Variants in SEPSECS observed in about 807,000 individuals in gnomAD.
SEPSECS encodes the protein O-phosphoseryl-tRNA(Sec) selenium transferase.
In SEPSECS, 42 loss-of-function variants were observed where a neutral mutation model predicts 52.1. The ratio of observed to expected loss-of-function variants is 0.81; its 90% CI spans 0.63 to 1.04. The LOEUF is 1.04. SEPSECS is among the 50% of genes least tolerant of loss of function. The probability of loss-of-function intolerance (pLI) is 0.00; values close to 1 mark genes in which losing one functional copy is unlikely to be tolerated. For synonymous variants in SEPSECS, 216 were observed against 211.4 expected (o/e 1.02, Z -0.19); for missense variants, 590 against 610.6 (o/e 0.97, Z 0.36).
chr4:25,159,424 G>C (rs1314134492), intron 1 of SEPSECS: 1 of 346,580 alleles, frequency 2.9e-6, no homozygotes, highest in Non-Finnish European at 5.4e-6. Context: ...AAACCAGGGC[G>C]TTACGACTGG....
intron 8 of SEPSECS, among the ~76,000 whole-genome samples, chr4:25,133,172 A>C (rs1228415889): frequency 6.6e-6 from 1 of 152,204 alleles, no homozygotes; most frequent in Non-Finnish European, 1.5e-5. Context: ...GTTAGCTAGC[A>C]GGACTCCTAC....
chr4:25,158,376 T>G (rs1249900143), intron 2 of SEPSECS, among the ~76,000 whole-genome samples: 3 of 152,124 alleles, frequency 2.0e-5, no homozygotes, highest in African/African-American at 7.2e-5. Flanking sequence ...CAATGAGTGA[T>G]CATATTAACT....
chr4:25,144,824 A>G lies in SEPSECS; in HGVS notation c.976T>C (p.Leu326=). 6.2e-7 allele frequency: 1 copy of G among 1,613,454 alleles called. No individual in the cohort carries two copies. Among genetic ancestry groups the G allele is most frequent in the Non-Finnish European group, 8.5e-7 (1 of 1,179,616 alleles). Residue 326 remains leucine (L), a synonymous_variant, in exon 8 of 11, where the codon TTA becomes CTA. Transcript: ENST00000382103. ...ASPSLDVLIT[L]LSLGSNGYKK... ...TAGCCATTTGATCCAAGTGACAATAAAGTAATAAGGACATCTAAAGAAGGT... is the reference window on the plus strand; with the variant it reads ...TAGCCATTTGATCCAAGTGACAATAGAGTAATAAGGACATCTAAAGAAGGT...
At position 25,160,409 on chromosome 4, in the gene SEPSECS, GC is replaced by G; in HGVS notation, c.-41del. 6.7e-7 allele frequency: 1 copy of G among 1,489,206 alleles called. No homozygotes were observed. Among genetic ancestry groups the G allele is most frequent in the Non-Finnish European group, 9.1e-7 (1 of 1,093,504 alleles). The allele number at this position is 1,489,206 out of a possible 1,614,324, so 92.2% of individuals were successfully genotyped here. On this transcript the variant is annotated 5_prime_UTR_variant, in exon 1 of 11. Coordinates refer to ENST00000382103, the MANE Select transcript of SEPSECS (RefSeq NM_016955.4). The stretch of plus-strand genomic sequence containing the variant: ...CAGTGGCGAATAAGCGGGAGCACTA[GC>G]TCCACACGCCAGACACACGACGGAA...
chr4:25,158,385 CTACCAAT>C, intron 2 of SEPSECS, among the ~76,000 whole-genome samples: 1 of 105,304 alleles, frequency 9.5e-6, no homozygotes, highest in African/African-American at 3.4e-5. Flanking sequence ...ATCATATTAA[CTACCAAT>C]TAACTACCAA....
At position 25,131,063 on chromosome 4, in the gene SEPSECS, CTA is replaced by C. The variant is rs1279148472; in HGVS notation, c.1027-3708_1027-3707del. ...CTGTATACCTGAATGCTAATGTCAGCTATATTTCTAGAATAAAAATACAAAAC... is the reference window on the plus strand; with the variant it reads ...CTGTATACCTGAATGCTAATGTCAGCTATTTCTAGAATAAAAATACAAAAC... On this transcript the variant is annotated intron_variant, in intron 8 of 10. Coordinates refer to ENST00000382103, the MANE Select transcript of SEPSECS (RefSeq NM_016955.4). Among the ~76,000 whole-genome samples, 4 of 152,270 alleles carry C rather than the reference CTA, an allele frequency of 2.6e-5. No individual in the cohort carries two copies. In the East Asian group the frequency reaches 7.7e-4, roughly 29 times the overall value.
At chr4:25,151,195 T>C (rs2109028182) in intron 6 of SEPSECS, among the ~76,000 whole-genome samples, 1 of 152,286 alleles carries the variant, frequency 6.6e-6, no homozygotes, top group Non-Finnish European at 1.5e-5. Context: ...ATAATAACAA[T>C]CACTGACAGA....
chr4:25,138,970 C>T (rs113305520), intron 8 of SEPSECS, among the ~76,000 whole-genome samples: 6 of 152,342 alleles, frequency 3.9e-5, no homozygotes, highest in African/African-American at 1.4e-4. Flanking sequence ...AACACCCTTT[C>T]ATAGTTCCAC....
chr4:25,150,232 A>G (rs886452067), intron 6 of SEPSECS, among the ~76,000 whole-genome samples: 2 of 152,254 alleles, frequency 1.3e-5, no homozygotes, highest in African/African-American at 4.8e-5. Flanking sequence ...TCTGTGAATA[A>G]CTTATGCCCA....
Position 25,156,915 on chromosome 4 carries a change from C to T in SEPSECS, c.329G>A (p.Gly110Asp). The T allele has an allele frequency of 6.2e-7, 1 of 1,613,618 alleles. No homozygotes were observed. Among genetic ancestry groups the T allele is most frequent in the Non-Finnish European group, 8.5e-7 (1 of 1,179,674 alleles). The change falls in exon 3 of 11, where the codon GGC (glycine) becomes GAC (aspartate). Residue 110 changes from glycine to aspartate, a missense_variant. By Grantham distance (94) the Gly-to-Asp change is moderately conservative (BLOSUM62 -1). Coordinates refer to ENST00000382103, the MANE Select transcript of SEPSECS (RefSeq NM_016955.4). Reference sequence around the variant, plus strand: ...GGTAATTTTGTTCAAAAGGCTAGAGCCTGCAGCTTTTGGTTGCACAGCAGA... The same window carrying T: ...GGTAATTTTGTTCAAAAGGCTAGAGTCTGCAGCTTTTGGTTGCACAGCAGA... ...DISAVQPKAAGSSLLNKITNS... is the reference protein window; with the variant it reads ...DISAVQPKAADSSLLNKITNS...
At chr4:25,157,484 A>G (rs1712743360) in intron 2 of SEPSECS, among the ~76,000 whole-genome samples, 1 of 151,868 alleles carries the variant, frequency 6.6e-6, no homozygotes, top group South Asian at 2.1e-4. Flanking sequence ...ACTTAATTTT[A>G]GGGTGGTTTG....
rs1196841931 is a variant in SEPSECS at position 25,152,052 on chromosome 4, G to A, written c.712C>T (p.Leu238=). Reference sequence around the variant, plus strand: ...TCATAATTAGCACAAATCACAGCCAGTTCTTCTAATCTATAAACATAAATA... The same window carrying A: ...TCATAATTAGCACAAATCACAGCCAATTCTTCTAATCTATAAACATAAATA... ...APRVPDRLEE[L]AVICANYDIP... The change falls in exon 6 of 11, where the codon CTG becomes TTG. Residue 238 remains leucine, a synonymous_variant. Transcript: ENST00000382103. 1 of 1,544,726 alleles carries A rather than the reference G, an allele frequency of 6.5e-7. No individual in the cohort carries two copies. The highest frequency in any genetic ancestry group is 9.0e-7 in the Non-Finnish European group (1 of 1,117,170).
At chr4:25,148,225 C>T (rs1303161429) in intron 6 of SEPSECS, among the ~76,000 whole-genome samples, 11 of 151,894 alleles carry the variant, frequency 7.2e-5, no homozygotes, top group Admixed American at 5.9e-4. Flanking sequence ...TGGTGGTGGG[C>T]GCCTGTAGTC....
rs1400394247 is a variant in SEPSECS, at chr4:25,123,963, G to A, written c.1474C>T (p.Leu492Phe). The change falls in exon 11 of 11, where the codon CTT becomes TTT. Residue 492 changes from leucine (L) to phenylalanine (F), a missense_variant. By Grantham distance (22) the Leu-to-Phe change is conservative. Transcript: ENST00000382103. ...GAAGCATCCTGGTATGTGTCAAGAAGTACATTATCTAGTTTTAAAGCCATT... is the reference window on the plus strand; with the variant it reads ...GAAGCATCCTGGTATGTGTCAAGAAATACATTATCTAGTTTTAAAGCCATT... ...EEMALKLDNV[L>F]LDTYQDASS is the part of the protein sequence containing the mutation. 2 of 1,613,544 alleles carry A rather than the reference G, an allele frequency of 1.2e-6. No individual in the cohort carries two copies. The highest frequency in any genetic ancestry group is 4.5e-5 in the East Asian group (2 of 44,872).
chr4:25,133,004 A>T (rs1676178704), intron 8 of SEPSECS, among the ~76,000 whole-genome samples: 1 of 152,088 alleles, frequency 6.6e-6, no homozygotes, highest in Non-Finnish European at 1.5e-5. Context: ...GATAATTCCT[A>T]CCTCATACAC....
chr4:25,144,208 C>T (rs1167405721), intron 8 of SEPSECS, among the ~76,000 whole-genome samples: 7 of 150,384 alleles, frequency 4.7e-5, no homozygotes, highest in South Asian at 4.3e-4. Flanking sequence ...GGTGTGGTGG[C>T]GGGCGCTTGT....
At chr4:25,157,655 C>T (rs1057301493) in intron 2 of SEPSECS, among the ~76,000 whole-genome samples, 2 of 151,898 alleles carry the variant, frequency 1.3e-5, no homozygotes, top group African/African-American at 4.8e-5. Context: ...CGCCATTCTC[C>T]TGCCTCAGCC....
At chr4:25,141,670 G>A (rs1400723705) in intron 8 of SEPSECS, among the ~76,000 whole-genome samples, 2 of 152,124 alleles carry the variant, frequency 1.3e-5, no homozygotes, top group Non-Finnish European at 2.9e-5. Flanking sequence ...TTATCAATGT[G>A]AGCATTCAAA....
Position 25,124,160 on chromosome 4 carries a change from G to A in SEPSECS, c.1277C>T (p.Thr426Ile). The A allele has an allele frequency of 6.2e-7, 1 of 1,613,604 alleles. No homozygotes were observed. ...GAGGTAAGCACAAGGGTAATTATTT[G>A]TATGTGACATAAAGCCTCTGAAAGT... ...GYTFRGFMSH[T>I]NNYPCAYLNA... The change falls in exon 11 of 11, where the codon ACA becomes ATA. Residue 426 changes from threonine (T) to isoleucine (I), a missense_variant. Thr to Ile is a moderately conservative substitution (Grantham distance 89). Transcript: ENST00000382103.
Sources: allele counts gnomAD v4.1 joint callset (sites outside exome capture counted in the v4.1 genomes callset), GRCh38; gene constraint gnomAD v4.1.1; transcripts MANE v1.5; gene names NCBI Gene and HGNC (gene_info 2026-07-23, HGNC 2026-07-21).